WWP1: variants seen among roughly 807,000 people sequenced by gnomAD.
The protein encoded by WWP1 is WW domain containing E3 ubiquitin protein ligase 1.
A neutral mutation model predicts 130.6 loss-of-function variants in WWP1; 49 were observed. That is an observed-to-expected ratio of 0.38 (90% CI 0.30 to 0.48). The LOEUF (loss-of-function observed/expected upper bound fraction) is 0.48, where lower values mean the gene tolerates loss of function less well. Among genes scored for constraint, WWP1 ranks in the 20% least tolerant of loss-of-function variants. The pLI, the probability that WWP1 is intolerant of heterozygous loss-of-function variation, is 0.99. For synonymous variants in WWP1, 332 were observed against 367.8 expected (o/e 0.90, Z 1.11); for missense variants, 809 against 1,100.6 (o/e 0.74, Z 3.75).
At chr8:86,380,007 G>C (rs1215647271) in intron 3 of WWP1, among the ~76,000 whole-genome samples, 1 of 152,164 alleles carries the variant, frequency 6.6e-6, no homozygotes, top group African/African-American at 2.4e-5. Flanking sequence ...CTACTCCAAA[G>C]TATATGCCCA....
chr8:86,381,844 A>G (rs1825003230), intron 5 of WWP1, among the ~76,000 whole-genome samples: 1 of 152,330 alleles, frequency 6.6e-6, no homozygotes, highest in East Asian at 1.9e-4. Context: ...TCAGTCATCC[A>G]CAAGTACCCT....
chr8:86,446,463 T>G (rs1810885849), intron 18 of WWP1, among the ~76,000 whole-genome samples: 1 of 152,192 alleles, frequency 6.6e-6, no homozygotes, highest in South Asian at 2.1e-4. Flanking sequence ...TCTCTTGCTG[T>G]GCAGAAGCTC....
At chr8:86,422,710 A>G (rs1211601938) in intron 9 of WWP1, among the ~76,000 whole-genome samples, 1 of 152,060 alleles carries the variant, frequency 6.6e-6, no homozygotes, top group Non-Finnish European at 1.5e-5. Context: ...CTTCTTTACC[A>G]TATTAAGAAG....
intron 22 of WWP1, among the ~76,000 whole-genome samples, chr8:86,460,807 T>C: frequency 1.4e-5 from 1 of 73,044 alleles, no homozygotes; most frequent in Non-Finnish European, 2.4e-5. Flanking sequence ...TTTTTTTTTT[T>C]TTTTTTTTTT....
At chr8:86,442,913 A>C in intron 18 of WWP1, 135 bp downstream of exon 18, 1 of 882,856 alleles carries the variant, frequency 1.1e-6, no homozygotes. Context: ...TTCCCTGGAG[A>C]GTGTAAAAAT....
intron 5 of WWP1, among the ~76,000 whole-genome samples, chr8:86,393,162 A>AT (rs1160164789): frequency 6.6e-6 from 1 of 151,330 alleles, no homozygotes; most frequent in African/African-American, 2.4e-5. Context: ...AAGAGCTCTT[A>AT]TTTTTTTCTC....
intron 1 of WWP1, among the ~76,000 whole-genome samples, chr8:86,359,775 C>T (rs1038505486): frequency 6.6e-6 from 1 of 152,048 alleles, no homozygotes; most frequent in African/African-American, 2.4e-5. Context: ...CCTCGGCGGG[C>T]GCAGTGGCTC....
At chr8:86,425,353 T>G in intron 10 of WWP1, 35 bp downstream of exon 10, 1 of 1,519,862 alleles carries the variant, frequency 6.6e-7, no homozygotes, top group South Asian at 1.2e-5. Context: ...TGTAATTATA[T>G]TTTATCACAC....
intron 1 of WWP1, among the ~76,000 whole-genome samples, chr8:86,367,334 C>G (rs1824029125): frequency 6.6e-6 from 1 of 152,198 alleles, no homozygotes; most frequent in Admixed American, 6.5e-5. Context: ...TTTTCAAAGT[C>G]TTAACACTGC....
chr8:86,437,738 G>A (rs1810372205), intron 16 of WWP1, among the ~76,000 whole-genome samples: 1 of 152,140 alleles, frequency 6.6e-6, no homozygotes, highest in African/African-American at 2.4e-5. Flanking sequence ...TACCAATAAC[G>A]TAAAGAGTCA....
At chr8:86,461,700 C>A in intron 23 of WWP1, 74 bp from the exon 24 acceptor site, 2 of 1,138,474 alleles carry the variant, frequency 1.8e-6, no homozygotes, top group African/African-American at 1.5e-5. Context: ...GCAACATGTT[C>A]TATTATTTAA....
intron 3 of WWP1, among the ~76,000 whole-genome samples, chr8:86,377,647 A>G (rs534844626): frequency 4.6e-5 from 7 of 152,246 alleles, no homozygotes; most frequent in Admixed American, 2.6e-4. Context: ...AAAACTACCT[A>G]TTGTCATATA....
At chr8:86,419,391 T>C (rs972159210) in intron 9 of WWP1, among the ~76,000 whole-genome samples, 1 of 152,180 alleles carries the variant, frequency 6.6e-6, no homozygotes, top group East Asian at 1.9e-4. Flanking sequence ...GCAGTCCAGC[T>C]TGGGTGACAG....
At chr8:86,383,475 T>G (rs1586312980) in intron 5 of WWP1, among the ~76,000 whole-genome samples, 1 of 152,170 alleles carries the variant, frequency 6.6e-6, no homozygotes, top group East Asian at 1.9e-4. Context: ...TGTGCAGTGG[T>G]TCATGCCTGT....
intron 9 of WWP1, among the ~76,000 whole-genome samples, chr8:86,416,132 C>T (rs1425991729): frequency 2.0e-5 from 3 of 152,118 alleles, no homozygotes; most frequent in Non-Finnish European, 4.4e-5. Context: ...ATTGTTGACC[C>T]ATGACAGAGT....
chr8:86,435,299 T>A (rs544916341), intron 14 of WWP1, among the ~76,000 whole-genome samples, 153 bp from the exon 15 acceptor site: 7 of 152,346 alleles, frequency 4.6e-5, no homozygotes, highest in Non-Finnish European at 8.8e-5. Flanking sequence ...TTACTTGAGC[T>A]TCTTTTGGCC....
At chr8:86,349,366 A>AT (rs1314321222) in intron 1 of WWP1, among the ~76,000 whole-genome samples, 1 of 152,220 alleles carries the variant, frequency 6.6e-6, no homozygotes, top group East Asian at 1.9e-4. Context: ...ATACAGTATC[A>AT]TTTCTGCCTT....
intron 3 of WWP1, among the ~76,000 whole-genome samples, chr8:86,374,635 A>G (rs1824526838): frequency 6.6e-6 from 1 of 152,232 alleles, no homozygotes; most frequent in Non-Finnish European, 1.5e-5. Flanking sequence ...CCAATTCATA[A>G]TAATAACTGT....
intron 20 of WWP1, among the ~76,000 whole-genome samples, chr8:86,449,524 A>T (rs1345796645): frequency 6.6e-6 from 1 of 152,188 alleles, no homozygotes; most frequent in African/African-American, 2.4e-5. Context: ...TTTTTCAATC[A>T]TTTTTTTAAA....
Sources: gnomAD v4.1 joint callset for allele counts (sites outside exome capture counted in the v4.1 genomes callset) on GRCh38, gnomAD v4.1.1 for gene constraint, MANE v1.5 for transcripts, NCBI Gene and HGNC (gene_info 2026-07-23, HGNC 2026-07-21) for gene names.